Variants in JAKMIP3 observed in about 807,000 individuals in gnomAD.
JAKMIP3 encodes the protein janus kinase and microtubule-interacting protein 3.
JAKMIP3 carries 58 observed loss-of-function variants against 118.5 expected under a neutral mutation model. The observed-to-expected ratio is 0.49, with a 90% CI of 0.40 to 0.61. The LOEUF (loss-of-function observed/expected upper bound fraction) is 0.61. Ranked by LOEUF, JAKMIP3 falls within the 20% of genes least tolerant of loss-of-function variation. The pLI is 0.00. For missense variants in JAKMIP3, 950 were observed against 1,109.0 expected, an observed-to-expected ratio of 0.86 and a Z score of 2.04; for synonymous variants, 486 against 451.2, an observed-to-expected ratio of 1.08 and a Z score of -0.98.
At chr10:132,142,576 T>TC (rs1330001928) in intron 11 of JAKMIP3, among the ~76,000 whole-genome samples, 1 of 151,964 alleles carries the variant, frequency 6.6e-6, no homozygotes, top group Non-Finnish European at 1.5e-5. Flanking sequence ...CACCTTAGCG[T>TC]CGTCCCCCAG....
chr10:132,177,139 C>T (rs566570271), intron 23 of JAKMIP3, among the ~76,000 whole-genome samples: 4 of 152,322 alleles, frequency 2.6e-5, no homozygotes, highest in East Asian at 1.9e-4. Context: ...TTACAGCCTG[C>T]GGGCCAGCTG....
intron 1 of JAKMIP3, among the ~76,000 whole-genome samples, chr10:132,091,708 G>T (rs961335976): frequency 6.6e-6 from 1 of 152,106 alleles, no homozygotes; most frequent in Non-Finnish European, 1.5e-5. Flanking sequence ...ACACTGATGG[G>T]TCTTGACTCT....
chr10:132,100,187 A>ACCCCCCGCATG (rs1564895779), intron 1 of JAKMIP3, among the ~76,000 whole-genome samples: 5 of 151,140 alleles, frequency 3.3e-5, no homozygotes, highest in Non-Finnish European at 5.9e-5. Flanking sequence ...CCCCCCGCAC[A>ACCCCCCGCATG]GACCCCCACA....
chr10:132,090,776 A>G (rs1415339827), intron 1 of JAKMIP3, among the ~76,000 whole-genome samples: 1 of 151,996 alleles, frequency 6.6e-6, no homozygotes, highest in Non-Finnish European at 1.5e-5. Flanking sequence ...TTGCTTCTCT[A>G]GTTCTTTTAA....
chr10:132,164,061 C>T (rs2058650585), intron 20 of JAKMIP3, among the ~76,000 whole-genome samples: 2 of 152,236 alleles, frequency 1.3e-5, no homozygotes, highest in Admixed American at 1.3e-4. Flanking sequence ...AAGAACACCA[C>T]TAGCGAAGGC....
rs570220063 is a variant in JAKMIP3 at position 132,079,166 on chromosome 10, A to G, written c.-138+13105A>G. Among the ~76,000 whole-genome samples, 120 of 63,432 alleles carry G rather than the reference A, an allele frequency of 1.9e-3. 3 individuals carry two copies. In the South Asian group the frequency reaches 0.07, roughly 37 times the overall value. 41.6% of individuals were successfully genotyped at this position (63,432 alleles called of 152,430 possible). A position where few individuals can be genotyped will look rare whatever the true frequency, so the allele number is the denominator to read the frequency against. On this transcript the variant is annotated intron_variant, in intron 1 of 23. Coordinates refer to ENST00000684848, the MANE Select transcript of JAKMIP3 (RefSeq NM_001323087.2). ...GCCTGGGAGCGGACGGCCCAGCCCC[A>G]CAGCGCTGGGGTCTGTGGACCCCGG... is the stretch of plus-strand genomic sequence containing the variant.
chr10:132,082,297 C>T (rs1030468719), intron 1 of JAKMIP3, among the ~76,000 whole-genome samples: 4 of 151,682 alleles, frequency 2.6e-5, no homozygotes, highest in African/African-American at 7.3e-5. Context: ...AATTGTTTAG[C>T]GGTGATTTGT....
At chr10:132,105,548 G>A (rs79547280) in intron 2 of JAKMIP3, among the ~76,000 whole-genome samples, 1 of 151,202 alleles carries the variant, frequency 6.6e-6, no homozygotes, top group African/African-American at 2.4e-5. Context: ...AGGGGGTGGG[G>A]GTCTGAAGCA....
rs200657240 is a variant in JAKMIP3 at position 132,163,383 on chromosome 10, C to T, written c.2395C>T (p.Arg799Cys). The T allele has an allele frequency of 1.3e-5, 21 of 1,605,068 alleles. No homozygotes were observed. Among genetic ancestry groups the T allele is most frequent in the African/African-American group, 5.3e-5 (4 of 74,966 alleles). ...GCGGGACGCCCAGATCCTGCGGGAG[C>T]GCATGGAGCTGCTGCAGCTGGCTCA... ...RERDAQILRERMELLQLAQQR... is the reference protein window; with the variant it reads ...RERDAQILRECMELLQLAQQR... The change falls in exon 20 of 24, where the codon CGC (arginine) becomes TGC (cysteine). Residue 799 changes from arginine to cysteine, a missense_variant. Coordinates refer to ENST00000684848, the MANE Select transcript of JAKMIP3 (RefSeq NM_001323087.2).
chr10:132,045,608 GAT>G (rs1379376578), intron 1 of JAKMIP3, among the ~76,000 whole-genome samples: 1 of 152,198 alleles, frequency 6.6e-6, no homozygotes, highest in African/African-American at 2.4e-5. Context: ...ACAAAAGTAT[GAT>G]ATGTGTTTAT....
chr10:132,149,565 A>AC (rs2055445550), intron 15 of JAKMIP3, 55 bp downstream of exon 15: 3 of 415,336 alleles, frequency 7.2e-6, no homozygotes, highest in Admixed American at 5.5e-5. Context: ...CCCCCGCCCC[A>AC]CCCCCTCTCC....
intron 22 of JAKMIP3, 67 bp from the exon 23 acceptor site, chr10:132,167,886 C>CCCTCGTT (rs1159819879): frequency 3.3e-6 from 4 of 1,214,938 alleles, no homozygotes; most frequent in Non-Finnish European, 4.3e-6. Flanking sequence ...CGCCCCTCGG[C>CCCTCGTT]CCTCGCCCCT....
intron 1 of JAKMIP3, among the ~76,000 whole-genome samples, chr10:132,072,791 G>A (rs111604953): frequency 0.041 from 6,202 of 151,746 alleles, 194 homozygotes; most frequent in South Asian, 0.16. Context: ...TAGGGTACAC[G>A]TGTAGATTTC....
At chr10:132,094,628 A>C (rs893883124) in intron 1 of JAKMIP3, among the ~76,000 whole-genome samples, 1 of 152,116 alleles carries the variant, frequency 6.6e-6, no homozygotes, top group Non-Finnish European at 1.5e-5. Context: ...CATGGACACC[A>C]GCACCTGTTC....
chr10:132,152,981 G>A lies in JAKMIP3; in HGVS notation c.2031G>A (p.Val677=). The part of the protein sequence containing the change: ...AVSNLTNEEQ[V]VVIQARTVLT... ...AGAACCTGACCAATGAGGAGCAGGT[G>A]GTTGTCATACAAGCCAGGACAGTCC... is the stretch of plus-strand genomic sequence containing the variant. Residue 677 remains valine, a synonymous_variant, in exon 17 of 24, where the codon GTG becomes GTA. Coordinates refer to ENST00000684848, the MANE Select transcript of JAKMIP3 (RefSeq NM_001323087.2). 1 of 1,608,670 alleles carries A rather than the reference G, an allele frequency of 6.2e-7. No individual in the cohort carries two copies. Among genetic ancestry groups the A allele is most frequent in the Non-Finnish European group, 8.5e-7 (1 of 1,177,996 alleles).
At chr10:132,149,554 T>TCCCCCCCCCCACCCCCTCTCCG in intron 15 of JAKMIP3, 44 bp downstream of exon 15, 2 of 530,844 alleles carry the variant, frequency 3.8e-6, no homozygotes, top group Non-Finnish European at 5.1e-6. Context: ...ACCTCACCCA[T>TCCCCCCCCCCACCCCCTCTCCG]CCCCCGCCCC....
rs368615116 is a variant in JAKMIP3, at chr10:132,138,109, G to A, written c.1285-10G>A. The A allele has an allele frequency of 1.9e-6, 3 of 1,610,738 alleles. No homozygotes were observed. The highest frequency in any genetic ancestry group is 2.5e-6 in the Non-Finnish European group (3 of 1,178,514). On this transcript the variant is annotated splice_polypyrimidine_tract_variant and intron_variant, in intron 8 of 23. Transcript: ENST00000684848. The stretch of plus-strand genomic sequence containing the variant: ...ACCACTTACACAACCTCTTCAACTG[G>A]CTTCCGCAGGAGCGGGACAAGCTGT...
rs1404672157 is a variant in JAKMIP3 at position 132,183,565 on chromosome 10, T to A, written c.*2312T>A. ...CATGTAAATATGTACCAAATCCTTA[T>A]GAAGTTGTAATTGTTTATATGTAAA... On this transcript the variant is annotated 3_prime_UTR_variant, in exon 24 of 24. Coordinates refer to ENST00000684848, the MANE Select transcript of JAKMIP3 (RefSeq NM_001323087.2). The A allele has an allele frequency of 3.3e-5, 5 of 152,236 alleles. No individual in the cohort carries two copies. Among genetic ancestry groups the A allele is most frequent in the Admixed American group, 1.3e-4 (2 of 15,284 alleles). 9.4% of individuals were successfully genotyped at this position (152,236 alleles called of 1,614,324 possible).
At position 132,153,032 on chromosome 10, in the gene JAKMIP3, A is replaced by T. The variant is rs1379875354; in HGVS notation, c.2073+9A>T. 4 of 1,603,572 alleles carry T rather than the reference A, an allele frequency of 2.5e-6. No individual in the cohort carries two copies. The South Asian group carries it at 4.5e-5, about 18-fold the overall frequency. On this transcript the variant is annotated intron_variant, in intron 17 of 23. Transcript: ENST00000684848. ...TGACCTTGGCCGAAAAGGTAACAGC[A>T]GCTGTGTGGACAGTCGGGAGAGGGC...
Sources: allele counts gnomAD v4.1 joint callset (sites outside exome capture counted in the v4.1 genomes callset), GRCh38; gene constraint gnomAD v4.1.1; transcripts MANE v1.5; gene names NCBI Gene and HGNC (gene_info 2026-07-23, HGNC 2026-07-21).